The following MSRA variants were observed in gnomAD, a reference collection of about 807,000 sequenced individuals.
MSRA encodes the protein mitochondrial peptide methionine sulfoxide reductase.
MSRA carries 54 observed loss-of-function variants against 31.3 expected under a neutral mutation model. The observed-to-expected ratio is 1.73, with a 90% CI of 1.39 to 2.17. The LOEUF (loss-of-function observed/expected upper bound fraction) is 2.17. MSRA is among the 30% of genes most tolerant of loss of function. The probability of loss-of-function intolerance (pLI) is 0.00; values close to 1 mark genes in which losing one functional copy is unlikely to be tolerated. For missense variants in MSRA, 507 were observed against 300.9 expected, an observed-to-expected ratio of 1.69 and a Z score of -5.07; for synonymous variants, 169 against 116.5, an observed-to-expected ratio of 1.45 and a Z score of -2.90.
chr8:10,164,151 A>T (rs1483727242), intron 1 of MSRA, among the ~76,000 whole-genome samples: 1 of 152,184 alleles, frequency 6.6e-6, no homozygotes, highest in African/African-American at 2.4e-5. Context: ...TACTACTTTT[A>T]ACTGGACCTA....
chr8:10,222,849 A>C (rs1312236111), intron 2 of MSRA, among the ~76,000 whole-genome samples: 1 of 152,232 alleles, frequency 6.6e-6, no homozygotes, highest in Non-Finnish European at 1.5e-5. Flanking sequence ...ATGTTGGTCG[A>C]AGGGTACAAA....
At chr8:10,339,438 C>T (rs1386720197) in intron 5 of MSRA, among the ~76,000 whole-genome samples, 1 of 151,094 alleles carries the variant, frequency 6.6e-6, no homozygotes, top group Non-Finnish European at 1.5e-5. Flanking sequence ...ATGTACAGCA[C>T]AAGTACAATG....
intron 1 of MSRA, among the ~76,000 whole-genome samples, chr8:10,146,628 A>G (rs1585028401): frequency 6.6e-6 from 1 of 152,168 alleles, no homozygotes; most frequent in Non-Finnish European, 1.5e-5. Flanking sequence ...AACTTTCTGA[A>G]TAGACTAAAA....
At chr8:10,399,762 A>C (rs575144881) in intron 5 of MSRA, among the ~76,000 whole-genome samples, 1 of 152,194 alleles carries the variant, frequency 6.6e-6, no homozygotes, top group African/African-American at 2.4e-5. Flanking sequence ...GGAGGGTGCA[A>C]TGGACGGCAG....
chr8:10,420,587 C>T (rs1808748700), intron 5 of MSRA, among the ~76,000 whole-genome samples: 1 of 152,148 alleles, frequency 6.6e-6, no homozygotes, highest in South Asian at 2.1e-4. Context: ...ATGCGGGCCT[C>T]TTTCCATATG....
At chr8:10,127,444 C>T (rs1427024578) in intron 1 of MSRA, among the ~76,000 whole-genome samples, 1 of 152,138 alleles carries the variant, frequency 6.6e-6, no homozygotes, top group Non-Finnish European at 1.5e-5. Flanking sequence ...GAAACAGCTT[C>T]TGAGCTGTTT....
chr8:10,245,611 C>G (rs1416131576), intron 3 of MSRA, among the ~76,000 whole-genome samples: 1 of 152,210 alleles, frequency 6.6e-6, no homozygotes, highest in Non-Finnish European at 1.5e-5. Context: ...TCAGCCTAGG[C>G]TGCTTTACTC....
At chr8:10,406,550 G>C (rs1275740987) in intron 5 of MSRA, among the ~76,000 whole-genome samples, 1 of 152,160 alleles carries the variant, frequency 6.6e-6, no homozygotes, top group African/African-American at 2.4e-5. Flanking sequence ...CCAGGGTGTT[G>C]GTGCAGACAG....
intron 5 of MSRA, among the ~76,000 whole-genome samples, chr8:10,416,416 G>A (rs1211860796): frequency 6.6e-6 from 1 of 152,236 alleles, no homozygotes; most frequent in Non-Finnish European, 1.5e-5. Context: ...GGAAATAAAC[G>A]ATTCCATCGG....
chr8:10,177,584 A>G (rs1806165889), intron 1 of MSRA, among the ~76,000 whole-genome samples: 1 of 152,242 alleles, frequency 6.6e-6, no homozygotes, highest in South Asian at 2.1e-4. Flanking sequence ...ATGCTATATC[A>G]GAATTGACTT....
At chr8:10,371,556 G>A (rs1410910281) in intron 5 of MSRA, among the ~76,000 whole-genome samples, 1 of 152,148 alleles carries the variant, frequency 6.6e-6, no homozygotes, top group East Asian at 1.9e-4. Context: ...TAGTTAGGAA[G>A]GAAGAAGAGA....
At chr8:10,243,233 A>G (rs1285785663) in intron 2 of MSRA, among the ~76,000 whole-genome samples, 1 of 152,020 alleles carries the variant, frequency 6.6e-6, no homozygotes, top group African/African-American at 2.4e-5. Context: ...TATTTTATTC[A>G]ACAAACTCTG....
At chr8:10,294,307 A>G (rs180895446) in intron 3 of MSRA, among the ~76,000 whole-genome samples, 15 of 152,338 alleles carry the variant, frequency 9.8e-5, no homozygotes, top group South Asian at 4.1e-4. Flanking sequence ...GTAGCAGTCA[A>G]ATGATACTAG....
chr8:10,221,461 C>A (rs957636843), intron 2 of MSRA, among the ~76,000 whole-genome samples: 1 of 149,786 alleles, frequency 6.7e-6, no homozygotes, highest in African/African-American at 2.5e-5. Context: ...TATATTTGTT[C>A]TTTACACTTA....
intron 2 of MSRA, among the ~76,000 whole-genome samples, chr8:10,243,073 TA>T (rs1782585255): frequency 6.6e-6 from 1 of 152,220 alleles, no homozygotes; most frequent in South Asian, 2.1e-4. Context: ...TTTTAAGTTT[TA>T]AAAACCTGGG....
At chr8:10,136,987 C>G (rs775577384) in intron 1 of MSRA, among the ~76,000 whole-genome samples, 7 of 152,166 alleles carry the variant, frequency 4.6e-5, no homozygotes, top group Non-Finnish European at 8.8e-5. Flanking sequence ...CTGTTAGCCT[C>G]TTTACCATAT....
At chr8:10,287,583 C>G (rs767397201) in intron 3 of MSRA, among the ~76,000 whole-genome samples, 17 of 152,158 alleles carry the variant, frequency 1.1e-4, no homozygotes, top group Non-Finnish European at 2.4e-4. Flanking sequence ...GAGAGAACCC[C>G]TTTGAGACAC....
chr8:10,314,973 C>T (rs891338905), intron 4 of MSRA, among the ~76,000 whole-genome samples: 2 of 152,180 alleles, frequency 1.3e-5, no homozygotes, highest in Non-Finnish European at 2.9e-5. Context: ...GTGTAATGGA[C>T]CCCAAGTTCC....
intron 1 of MSRA, among the ~76,000 whole-genome samples, chr8:10,086,606 GGAGTGAAT>G (rs1368644698): frequency 6.6e-6 from 1 of 152,196 alleles, no homozygotes; most frequent in African/African-American, 2.4e-5. Context: ...GCTTAGGTGA[GGAGTGAAT>G]GAGTTAAAGA....
Sources: gnomAD v4.1 joint callset for allele counts (sites outside exome capture counted in the v4.1 genomes callset) on GRCh38, gnomAD v4.1.1 for gene constraint, MANE v1.5 for transcripts, NCBI Gene and HGNC (gene_info 2026-07-23, HGNC 2026-07-21) for gene names.